Variants in SIPA1L1 observed in about 807,000 individuals in gnomAD.
SIPA1L1 encodes the protein signal induced proliferation associated 1 like 1, also known as signal-induced proliferation-associated 1-like protein 1.
Under a neutral mutation model 162.7 loss-of-function variants are expected in SIPA1L1, and 26 were observed. The observed-to-expected ratio is 0.16, with a 90% CI of 0.12 to 0.22. The LOEUF is 0.22. Ranked by LOEUF, SIPA1L1 falls within the 10% of genes least tolerant of loss-of-function variation. SIPA1L1 has a pLI of 1.00. For synonymous variants in SIPA1L1, 829 were observed against 837.4 expected, an observed-to-expected ratio of 0.99 and a Z score of 0.17; for missense variants, 1,874 against 2,241.0, an observed-to-expected ratio of 0.84 and a Z score of 3.31.
intron 2 of SIPA1L1, among the ~76,000 whole-genome samples, chr14:71,438,575 C>T (rs1273417629): frequency 1.3e-5 from 2 of 152,102 alleles, no homozygotes; most frequent in East Asian, 1.9e-4. Context: ...TACATTTATG[C>T]GCATGTGGTA....
intron 2 of SIPA1L1, among the ~76,000 whole-genome samples, chr14:71,395,781 A>G (rs940122450): frequency 5.3e-5 from 8 of 152,182 alleles, no homozygotes; most frequent in Admixed American, 3.9e-4. Flanking sequence ...TTGGCCCAGT[A>G]TATGGAGGGA....
chr14:71,445,188 A>G (rs1417451665), intron 2 of SIPA1L1, among the ~76,000 whole-genome samples: 1 of 152,234 alleles, frequency 6.6e-6, no homozygotes, highest in Non-Finnish European at 1.5e-5. Context: ...TATTAAGCTG[A>G]AAATCTTCTG....
intron 4 of SIPA1L1, chr14:71,573,713 T>G (rs2147078929): frequency 2.2e-6 from 1 of 456,674 alleles, no homozygotes; most frequent in African/African-American, 2.0e-5. Flanking sequence ...CTGCCAATGG[T>G]TTTTTTCTCC....
At chr14:71,417,604 G>C (rs895908403) in intron 2 of SIPA1L1, among the ~76,000 whole-genome samples, 9 of 151,466 alleles carry the variant, frequency 5.9e-5, no homozygotes, top group African/African-American at 2.2e-4. Context: ...AGCTGATGAG[G>C]AGGAGGGAAA....
At chr14:71,442,580 G>GT (rs1410140315) in intron 2 of SIPA1L1, among the ~76,000 whole-genome samples, 1 of 151,976 alleles carries the variant, frequency 6.6e-6, no homozygotes. Flanking sequence ...TAAATATTAA[G>GT]TTTTTTCTGA....
At chr14:71,447,926 A>G (rs1191275095) in intron 2 of SIPA1L1, among the ~76,000 whole-genome samples, 1 of 152,060 alleles carries the variant, frequency 6.6e-6, no homozygotes, top group Non-Finnish European at 1.5e-5. Context: ...GTGCATAGTT[A>G]TTTGACTAAT....
chr14:71,322,947 T>C (rs2033273861), intron 2 of SIPA1L1, among the ~76,000 whole-genome samples: 2 of 152,356 alleles, frequency 1.3e-5, no homozygotes, highest in African/African-American at 4.8e-5. Flanking sequence ...TCAGTGATAG[T>C]TGTGATTTCA....
intron 4 of SIPA1L1, among the ~76,000 whole-genome samples, chr14:71,555,307 T>C (rs2056253790): frequency 6.6e-6 from 1 of 152,254 alleles, no homozygotes; most frequent in Non-Finnish European, 1.5e-5. Flanking sequence ...TGCACTTTCA[T>C]GTTATGGAGA....
chr14:71,671,481 A>G lies in SIPA1L1; in HGVS notation c.2618A>G (p.Glu873Gly). The G allele has an allele frequency of 1.2e-6, 2 of 1,614,182 alleles. No individual in the cohort carries two copies. The highest frequency in any genetic ancestry group is 1.7e-6 in the Non-Finnish European group (2 of 1,180,024). ...VRAEDYNKAM[E>G]LDCLLGISNE... ...GCTGAAGACTACAACAAGGCCATGG[A>G]ACTAGACTGCCTTTTAGGGATCTCC... The change falls in exon 11 of 24, where the codon GAA becomes GGA. Residue 873 changes from glutamate to glycine, a missense_variant. Physicochemically the swap from Glu to Gly is moderately conservative, Grantham distance 98. Coordinates refer to ENST00000381232, the MANE Select transcript of SIPA1L1 (RefSeq NM_001386936.1).
intron 4 of SIPA1L1, among the ~76,000 whole-genome samples, chr14:71,567,885 C>A (rs746123906): frequency 4.6e-5 from 7 of 152,156 alleles, no homozygotes; most frequent in Admixed American, 6.6e-5. Context: ...GGGTTCCTCC[C>A]CTTTTTAGAC....
chr14:71,435,349 C>T lies in SIPA1L1; in HGVS notation c.-464-77394C>T, dbSNP rs1018740918. 9.2e-5 allele frequency among the ~76,000 whole-genome samples: 14 copies of T among 152,154 alleles called. 1 individual carries two copies. Among genetic ancestry groups the T allele is most frequent in the Non-Finnish European group, 1.5e-4 (10 of 68,004 alleles). On this transcript the variant is annotated intron_variant, in intron 2 of 23. Coordinates refer to ENST00000381232, the MANE Select transcript of SIPA1L1 (RefSeq NM_001386936.1). ...CCTTCCCCCACCCCACGACAGGCCC[C>T]GGTGTGTGATGTTCCCCTTCCTGTG...
At chr14:71,483,922 G>A (rs12883934) in intron 2 of SIPA1L1, among the ~76,000 whole-genome samples, 1,918 of 152,218 alleles carry the variant, frequency 0.013, 16 homozygotes, top group South Asian at 0.023. Flanking sequence ...GCTAGGTTGG[G>A]CTGCATGCCC....
intron 4 of SIPA1L1, among the ~76,000 whole-genome samples, chr14:71,564,234 C>A (rs2146718830): frequency 1.3e-5 from 2 of 152,258 alleles, no homozygotes; most frequent in Middle Eastern, 6.8e-3. Context: ...CAAGCATGAG[C>A]TGCAATATCT....
chr14:71,568,472 T>C (rs915821833), intron 4 of SIPA1L1, among the ~76,000 whole-genome samples: 1 of 152,068 alleles, frequency 6.6e-6, no homozygotes, highest in South Asian at 2.1e-4. Flanking sequence ...AGTTGACCAA[T>C]TGGTGTTGCA....
chr14:71,333,872 A>T lies in SIPA1L1; in HGVS notation c.-465+12691A>T, dbSNP rs560440286. On this transcript the variant is annotated intron_variant, in intron 2 of 23. Transcript: ENST00000381232. ...TCTAGCAATGCTCTATAGGTGAGATATGATAGCAGCTGTGGAGGTGATGAG... is the reference window on the plus strand; with the variant it reads ...TCTAGCAATGCTCTATAGGTGAGATTTGATAGCAGCTGTGGAGGTGATGAG... Among the ~76,000 whole-genome samples, 3 of 152,236 alleles carry T rather than the reference A, an allele frequency of 2.0e-5. No homozygotes were observed. The East Asian group carries it at 5.8e-4, about 29-fold the overall frequency.
At chr14:71,602,570 T>C (rs1450918083) in intron 5 of SIPA1L1, among the ~76,000 whole-genome samples, 1 of 152,264 alleles carries the variant, frequency 6.6e-6, no homozygotes, top group Non-Finnish European at 1.5e-5. Context: ...ATGTCTGTTA[T>C]ATCCATTTGG....
intron 2 of SIPA1L1, among the ~76,000 whole-genome samples, chr14:71,471,295 T>C (rs1241900954): frequency 6.6e-6 from 1 of 151,970 alleles, no homozygotes; most frequent in Non-Finnish European, 1.5e-5. Flanking sequence ...ATGGTGAAAC[T>C]CCATCTCTAC....
At chr14:71,728,033 G>A (rs1484732336) in intron 19 of SIPA1L1, among the ~76,000 whole-genome samples, 1 of 152,200 alleles carries the variant, frequency 6.6e-6, no homozygotes, top group Non-Finnish European at 1.5e-5. Flanking sequence ...CAAAGAGGCT[G>A]AAACTAGAAT....
intron 5 of SIPA1L1, among the ~76,000 whole-genome samples, chr14:71,610,489 A>G (rs2038081763): frequency 6.6e-6 from 1 of 152,238 alleles, no homozygotes; most frequent in South Asian, 2.1e-4. Flanking sequence ...ATTTTTGAAC[A>G]TTTATTAAAG....
Sources: gnomAD v4.1 joint callset for allele counts (sites outside exome capture counted in the v4.1 genomes callset) on GRCh38, gnomAD v4.1.1 for gene constraint, MANE v1.5 for transcripts, NCBI Gene and HGNC (gene_info 2026-07-23, HGNC 2026-07-21) for gene names.